GALNT13: variants seen among roughly 807,000 people sequenced by gnomAD.
GALNT13 encodes the protein UDP-GalNAc:polypeptide N-acetylgalactosaminyltransferase 13.
In GALNT13, 28 loss-of-function variants were observed where a neutral mutation model predicts 64.2. That is an observed-to-expected ratio of 0.44 (90% CI 0.32 to 0.60). The LOEUF is 0.60. Among genes scored for constraint, GALNT13 ranks in the 20% least tolerant of loss-of-function variants. GALNT13 has a pLI of 0.05. For missense variants in GALNT13, 577 were observed against 669.8 expected, an observed-to-expected ratio of 0.86 and a Z score of 1.53; for synonymous variants, 214 against 224.6, an observed-to-expected ratio of 0.95 and a Z score of 0.42.
chr2:153,764,926 T>C, the GALNT13 span, among the ~76,000 whole-genome samples: 1 of 152,338 alleles, frequency 6.6e-6, no homozygotes, highest in African/African-American at 2.4e-5. Context: ...GACCCATGCC[T>C]TGGCAGATTA....
At chr2:154,052,380 C>G (rs6723546) in intron 3 of GALNT13, among the ~76,000 whole-genome samples, 1 of 151,992 alleles carries the variant, frequency 6.6e-6, no homozygotes, top group Admixed American at 6.5e-5. Context: ...TTCAAATGAC[C>G]CCATTATCTC....
At chr2:154,279,885 T>TA (rs1050282667) in intron 8 of GALNT13, among the ~76,000 whole-genome samples, 9 of 152,088 alleles carry the variant, frequency 5.9e-5, no homozygotes, top group African/African-American at 2.2e-4. Flanking sequence ...TGAGGTGACA[T>TA]TAACATGGAT....
At chr2:154,209,982 A>G (rs1687676553) in intron 4 of GALNT13, among the ~76,000 whole-genome samples, 1 of 152,130 alleles carries the variant, frequency 6.6e-6, no homozygotes, top group South Asian at 2.1e-4. Flanking sequence ...ACTTTGTAGC[A>G]TTTGTCTAAC....
intron 9 of GALNT13, 24 bp from the exon 10 acceptor site, chr2:154,395,967 T>A (rs1699034610): frequency 7.0e-6 from 11 of 1,571,714 alleles, no homozygotes; most frequent in Non-Finnish European, 7.7e-6. Flanking sequence ...ACAAACTGAT[T>A]TGTGTTTCTC....
At chr2:153,478,196 G>A in the GALNT13 span, 142 of 1,528,636 alleles carry the variant, frequency 9.3e-5, no homozygotes, top group Non-Finnish European at 1.2e-4. Flanking sequence ...TAGCAAAGTG[G>A]GCAGGCGTGG....
chr2:154,031,930 A>G (rs971028631), intron 3 of GALNT13, among the ~76,000 whole-genome samples: 1 of 152,020 alleles, frequency 6.6e-6, no homozygotes, highest in Non-Finnish European at 1.5e-5. Flanking sequence ...GATCTAATTT[A>G]TATTTATATA....
At chr2:153,395,557 T>C in the GALNT13 span, among the ~76,000 whole-genome samples, 1 of 152,168 alleles carries the variant, frequency 6.6e-6, no homozygotes, top group Non-Finnish European at 1.5e-5. Flanking sequence ...ATTATTTTAA[T>C]GCTTTTCTCT....
the GALNT13 span, among the ~76,000 whole-genome samples, chr2:153,629,400 G>T: frequency 6.6e-6 from 1 of 151,808 alleles, no homozygotes; most frequent in Non-Finnish European, 1.5e-5. Flanking sequence ...AGTGGGGAAA[G>T]GATTCCCTAT....
the GALNT13 span, among the ~76,000 whole-genome samples, chr2:153,245,601 A>C: frequency 6.6e-6 from 1 of 152,176 alleles, no homozygotes; most frequent in Non-Finnish European, 1.5e-5. Context: ...ATCAACAGAA[A>C]AGACCTCCCC....
At chr2:154,321,353 A>G (rs1290069860) in intron 9 of GALNT13, among the ~76,000 whole-genome samples, 3 of 152,166 alleles carry the variant, frequency 2.0e-5, no homozygotes, top group Non-Finnish European at 4.4e-5. Context: ...AGTGATCCCT[A>G]TATTCCCGTA....
chr2:153,653,731 A>G, the GALNT13 span, among the ~76,000 whole-genome samples: 1 of 152,166 alleles, frequency 6.6e-6, no homozygotes, highest in Non-Finnish European at 1.5e-5. Context: ...TTGCTTTAAC[A>G]TCTAATTCAT....
intron 11 of GALNT13, among the ~76,000 whole-genome samples, chr2:154,434,526 T>C (rs1449920333): frequency 6.6e-6 from 1 of 152,138 alleles, no homozygotes; most frequent in Non-Finnish European, 1.5e-5. Flanking sequence ...CCCAAACTGC[T>C]GGGATTAAGG....
At chr2:153,569,253 T>C in the GALNT13 span, among the ~76,000 whole-genome samples, 79,620 of 151,994 alleles carry the variant, frequency 0.52, 21,174 homozygotes, top group Admixed American at 0.66. Flanking sequence ...TTTTAGCCAT[T>C]CCAGCCTGTA....
chr2:153,545,282 G>T, the GALNT13 span, among the ~76,000 whole-genome samples: 1 of 152,144 alleles, frequency 6.6e-6, no homozygotes, highest in African/African-American at 2.4e-5. Context: ...TGGAGCTCCA[G>T]ATTTTACTTC....
the GALNT13 span, among the ~76,000 whole-genome samples, chr2:153,204,497 C>G: frequency 6.6e-6 from 1 of 152,086 alleles, no homozygotes; most frequent in African/African-American, 2.4e-5. Flanking sequence ...TTTCAAGACA[C>G]ACTCCCCAGA....
chr2:154,006,299 A>AT (rs1181301336), intron 3 of GALNT13, among the ~76,000 whole-genome samples: 1 of 152,152 alleles, frequency 6.6e-6, no homozygotes. Flanking sequence ...TATACATTAA[A>AT]TTTTTTGCTA....
At chr2:154,118,067 T>C (rs1324199908) in intron 3 of GALNT13, among the ~76,000 whole-genome samples, 1 of 152,214 alleles carries the variant, frequency 6.6e-6, no homozygotes, top group East Asian at 1.9e-4. Context: ...AATTACTCCC[T>C]TATTAATTTT....
At chr2:154,425,058 TAG>T (rs1700413830) in intron 11 of GALNT13, among the ~76,000 whole-genome samples, 2 of 152,200 alleles carry the variant, frequency 1.3e-5, no homozygotes. Context: ...CCTTTACAGA[TAG>T]AGAGTTGTAA....
chr2:153,758,804 C>G, the GALNT13 span, among the ~76,000 whole-genome samples: 3 of 152,088 alleles, frequency 2.0e-5, no homozygotes, highest in African/African-American at 7.2e-5. Context: ...GTTGGCAAGC[C>G]TGGTCTTGAA....
Sources: gnomAD v4.1 joint callset for allele counts (sites outside exome capture counted in the v4.1 genomes callset) on GRCh38, gnomAD v4.1.1 for gene constraint, MANE v1.5 for transcripts, NCBI Gene and HGNC (gene_info 2026-07-23, HGNC 2026-07-21) for gene names.